Variants in CDK13 observed in about 807,000 individuals in gnomAD.
The protein encoded by CDK13 is cyclin dependent kinase 13.
A neutral mutation model predicts 137.6 loss-of-function variants in CDK13; 40 were observed. That is an observed-to-expected ratio of 0.29 (90% confidence interval 0.23 to 0.38). CDK13 has a LOEUF of 0.38. CDK13 is among the 10% of genes least tolerant of loss of function. The pLI is 1.00. For synonymous variants in CDK13, 869 were observed against 760.1 expected (o/e 1.14, Z -2.36); for missense variants, 1,704 against 1,951.8 (o/e 0.87, Z 2.39).
chr7:40,092,042 A>G (rs17496747), intron 12 of CDK13, among the ~76,000 whole-genome samples: 7,321 of 152,240 alleles, frequency 0.048, 253 homozygotes, highest in Middle Eastern at 0.082. Flanking sequence ...TGATGAGTTA[A>G]TACTATCATA....
At chr7:40,024,259 CAAA>C (rs985463593) in intron 5 of CDK13, among the ~76,000 whole-genome samples, 2 of 152,030 alleles carry the variant, frequency 1.3e-5, no homozygotes, top group Admixed American at 1.3e-4. Flanking sequence ...TGTATTAAAA[CAAA>C]AAAACCCTTC....
At position 40,094,263 on chromosome 7, in the gene CDK13, T is replaced by A; in HGVS notation, c.3822T>A (p.Asp1274Glu). ...AACCACCACCAGTCACTGAGGAAGA[T>A]CTAGATTATCGGACAGAAAACCAGC... ...PPEPPPVTEEDLDYRTENQHV... is the reference protein window; with the variant it reads ...PPEPPPVTEEELDYRTENQHV... The change falls in exon 14 of 14, where the codon GAT becomes GAA. Residue 1274 changes from aspartate (D) to glutamate (E), a missense_variant. Physicochemically the swap from Asp to Glu is conservative, Grantham distance 45. Around this residue, in one of 5 missense-constraint regions of CDK13, gnomAD observed 475 missense variants for 579.3 expected, o/e 0.82. Transcript: ENST00000181839. 6.2e-7 allele frequency: 1 copy of A among 1,612,592 alleles called. No individual in the cohort carries two copies. The highest frequency in any genetic ancestry group is 8.5e-7 in the Non-Finnish European group (1 of 1,179,452).
At chr7:40,049,988 GT>G (rs367604775) in intron 7 of CDK13, among the ~76,000 whole-genome samples, 1 of 150,048 alleles carries the variant, frequency 6.7e-6, no homozygotes, top group African/African-American at 2.5e-5. Context: ...GTTTTGTTTT[GT>G]TTTTTTTTGA....
chr7:40,074,942 T>C (rs1238626303), intron 9 of CDK13, among the ~76,000 whole-genome samples: 1 of 151,894 alleles, frequency 6.6e-6, no homozygotes, highest in African/African-American at 2.4e-5. Context: ...AATTCTAAGA[T>C]AGAAATATTA....
At chr7:40,014,290 A>T (rs1784957917) in intron 5 of CDK13, among the ~76,000 whole-genome samples, 1 of 151,590 alleles carries the variant, frequency 6.6e-6, no homozygotes, top group Non-Finnish European at 1.5e-5. Flanking sequence ...GCTGGTCTCG[A>T]ACTCCTGACC....
At chr7:40,064,522 T>G (rs1256914995) in intron 9 of CDK13, among the ~76,000 whole-genome samples, 1 of 152,040 alleles carries the variant, frequency 6.6e-6, no homozygotes, top group Non-Finnish European at 1.5e-5. Context: ...ACAAATTGAA[T>G]CAAACTAAAA....
chr7:40,020,911 T>G (rs1485178468), intron 5 of CDK13, among the ~76,000 whole-genome samples: 1 of 151,428 alleles, frequency 6.6e-6, no homozygotes, highest in Non-Finnish European at 1.5e-5. Context: ...GCCAACATGG[T>G]GAAACACCAT....
At chr7:40,006,683 G>A (rs1270297087) in intron 5 of CDK13, among the ~76,000 whole-genome samples, 2 of 152,150 alleles carry the variant, frequency 1.3e-5, no homozygotes, top group African/African-American at 4.8e-5. Context: ...TATGGAGGCT[G>A]AGGCAGGAGA....
chr7:40,096,922 TTAGC>T lies in CDK13; in HGVS notation c.*1943_*1946del, dbSNP rs1787059531. 1.3e-5 allele frequency: 2 copies of T among 152,076 alleles called. No homozygotes were observed. The highest frequency in any genetic ancestry group is 6.6e-5 in the Admixed American group (1 of 15,260). The allele number at this position is 152,076 out of a possible 1,614,324, so 9.4% of individuals were successfully genotyped here. ...CAGGAAATGAAGAAATATTTTGAAA[TTAGC>T]AAAATAGCAACAGTATTCAAGTATC... On this transcript the variant is annotated 3_prime_UTR_variant, in exon 14 of 14. Coordinates refer to ENST00000181839, the MANE Select transcript of CDK13 (RefSeq NM_003718.5).
intron 12 of CDK13, among the ~76,000 whole-genome samples, chr7:40,091,721 A>G (rs1276855318): frequency 2.0e-5 from 3 of 152,216 alleles, no homozygotes; most frequent in Non-Finnish European, 4.4e-5. Context: ...ATGACTTTTG[A>G]TTTGTAGCAA....
At chr7:40,085,744 G>GAGGTAT (rs1442899504) in intron 11 of CDK13, 1 of 152,620 alleles carries the variant, frequency 6.6e-6, no homozygotes, top group Non-Finnish European at 1.5e-5. Context: ...AGATGGCTGA[G>GAGGTAT]AGGTATGCCT....
At chr7:40,059,052 T>A (rs1403141703) in intron 7 of CDK13, among the ~76,000 whole-genome samples, 1 of 150,748 alleles carries the variant, frequency 6.6e-6, no homozygotes, top group Admixed American at 6.6e-5. Flanking sequence ...TCATTTTATA[T>A]GATTTTTTTC....
chr7:40,060,261 A>AT (rs564683064), intron 7 of CDK13, among the ~76,000 whole-genome samples: 167 of 152,226 alleles, frequency 1.1e-3, no homozygotes, highest in African/African-American at 3.6e-3. Flanking sequence ...AATTTTTAAG[A>AT]TTTTTTAAAA....
intron 7 of CDK13, among the ~76,000 whole-genome samples, chr7:40,054,112 G>A (rs1785957097): frequency 6.6e-6 from 1 of 152,146 alleles, no homozygotes; most frequent in African/African-American, 2.4e-5. Context: ...TGCTTTAGAG[G>A]TACCATTAGG....
intron 7 of CDK13, among the ~76,000 whole-genome samples, chr7:40,050,485 G>A (rs752350996): frequency 6.6e-6 from 1 of 152,134 alleles, no homozygotes; most frequent in Non-Finnish European, 1.5e-5. Context: ...TCCGCCTCCC[G>A]GGTTCTAGCG....
In CDK13 at chr7:40,099,389, GA is replaced by G. The variant is rs1787099751; in HGVS notation, c.*4411del. The G allele has an allele frequency of 6.6e-6, 1 of 152,158 alleles. No individual in the cohort carries two copies. Among genetic ancestry groups the G allele is most frequent in the South Asian group, 2.1e-4 (1 of 4,834 alleles). 9.4% of individuals were successfully genotyped at this position (152,158 alleles called of 1,614,324 possible). On this transcript the variant is annotated 3_prime_UTR_variant, in exon 14 of 14. Coordinates refer to ENST00000181839, the MANE Select transcript of CDK13 (RefSeq NM_003718.5). ...TTGTATTCAAATGAGGCTCTATAGT[GA>G]ATACAGAATCACTCTTCTAAGTTTT...
intron 1 of CDK13, among the ~76,000 whole-genome samples, chr7:39,968,352 G>A (rs1191944185): frequency 1.3e-5 from 2 of 152,154 alleles, no homozygotes; most frequent in African/African-American, 2.4e-5. Context: ...TGTATAAGGT[G>A]TGAGATGAGA....
chr7:40,000,988 A>G (rs1339126297), intron 4 of CDK13, among the ~76,000 whole-genome samples: 1 of 152,172 alleles, frequency 6.6e-6, no homozygotes, highest in Non-Finnish European at 1.5e-5. Context: ...GGGGAAGAAC[A>G]TATATTTTTG....
chr7:40,016,049 A>G (rs937582888), intron 5 of CDK13, among the ~76,000 whole-genome samples: 2 of 152,240 alleles, frequency 1.3e-5, no homozygotes, highest in Non-Finnish European at 2.9e-5. Context: ...AAGAACAGAT[A>G]GAATTCTGCA....
Sources: gnomAD v4.1 joint callset for allele counts (sites outside exome capture counted in the v4.1 genomes callset) on GRCh38, gnomAD v4.1.1 for gene constraint, gnomAD v4.1.1 regional missense constraint, MANE v1.5 for transcripts, NCBI Gene and HGNC (gene_info 2026-07-23, HGNC 2026-07-21) for gene names.